The following C8orf74 variants were observed in gnomAD, a reference collection of about 807,000 sequenced individuals.
The protein encoded by C8orf74 is chromosome 8 open reading frame 74, also known as uncharacterized protein C8orf74.
C8orf74 carries 29 observed loss-of-function variants against 22.2 expected under a neutral mutation model. That is an observed-to-expected ratio of 1.31 (90% CI 0.97 to 1.78). The LOEUF is 1.78. Among genes scored for constraint, C8orf74 ranks in the 40% most tolerant of loss-of-function variants. C8orf74 has a pLI of 0.00. For synonymous variants in C8orf74, 255 were observed against 163.1 expected, an observed-to-expected ratio of 1.56 and a Z score of -4.30; for missense variants, 515 against 369.9, an observed-to-expected ratio of 1.39 and a Z score of -3.22.
At chr8:10,679,803 T>A (rs1563156070) in intron 2 of C8orf74, 1 of 152,740 alleles carries the variant, frequency 6.5e-6, no homozygotes, top group Non-Finnish European at 1.5e-5. Flanking sequence ...CCTGCAGGCG[T>A]GCCTGGCCCG....
chr8:10,693,195 G>C (rs959341175), intron 2 of C8orf74, among the ~76,000 whole-genome samples: 1 of 152,184 alleles, frequency 6.6e-6, no homozygotes, highest in Non-Finnish European at 1.5e-5. Context: ...CAGTCCCTCA[G>C]TGGGCCATGC....
intron 2 of C8orf74, among the ~76,000 whole-genome samples, chr8:10,694,102 C>T (rs1799440298): frequency 6.6e-6 from 1 of 152,150 alleles, no homozygotes; most frequent in African/African-American, 2.4e-5. Context: ...CTAAGAGGAC[C>T]CGGTCCTGAA....
chr8:10,681,174 G>A (rs908260959), intron 2 of C8orf74, among the ~76,000 whole-genome samples: 28 of 152,082 alleles, frequency 1.8e-4, no homozygotes, highest in African/African-American at 6.8e-4. Flanking sequence ...CGCAGGGAGG[G>A]AAGGTGGCCC....
chr8:10,681,680 TTCA>T (rs1799153803), intron 2 of C8orf74, among the ~76,000 whole-genome samples: 1 of 152,144 alleles, frequency 6.6e-6, no homozygotes, highest in African/African-American at 2.4e-5. Context: ...TGCTCCGCCC[TTCA>T]TCATCATCAC....
chr8:10,696,844 ACT>A (rs1312805296), intron 2 of C8orf74, among the ~76,000 whole-genome samples: 2 of 151,346 alleles, frequency 1.3e-5, no homozygotes, highest in African/African-American at 4.9e-5. Context: ...AGCGAAAGTA[ACT>A]CTTTAAAACA....
intron 1 of C8orf74, chr8:10,673,570 A>G (rs1798961549): frequency 1.3e-5 from 2 of 153,700 alleles, no homozygotes; most frequent in South Asian, 2.0e-4. Context: ...CAGGAAAGTC[A>G]AATTTTATTT....
At position 10,700,233 on chromosome 8, in the gene C8orf74, A is replaced by G. The variant is rs752775876; in HGVS notation, c.649-2A>G. The G allele has an allele frequency of 1.3e-5, 20 of 1,586,744 alleles. No individual in the cohort carries two copies. The African/African-American group carries it at 1.5e-4, about 12-fold the overall frequency. On this transcript the variant is annotated splice_acceptor_variant, in intron 3 of 3. Transcript: ENST00000304519. LOFTEE classifies it high-confidence loss of function. Reference sequence around the variant, plus strand: ...CTCATCGGCCTTCCCCTTTCCTTCCAGGAGTTGGAGAGCCTCATCTGCCAG... The same window carrying G: ...CTCATCGGCCTTCCCCTTTCCTTCCGGGAGTTGGAGAGCCTCATCTGCCAG...
At chr8:10,674,611 A>G (rs1268241440) in intron 1 of C8orf74, 35 bp from the exon 2 acceptor site, 1 of 1,494,988 alleles carries the variant, frequency 6.7e-7, no homozygotes, top group African/African-American at 1.5e-5. Flanking sequence ...CAACCCCCAC[A>G]TCATACCCTG....
At chr8:10,683,402 T>C (rs1261309753) in intron 2 of C8orf74, among the ~76,000 whole-genome samples, 1 of 152,208 alleles carries the variant, frequency 6.6e-6, no homozygotes, top group Non-Finnish European at 1.5e-5. Context: ...TCTCAGGTTC[T>C]TCCTCCATCA....
chr8:10,681,154 C>A (rs1034884806), intron 2 of C8orf74, among the ~76,000 whole-genome samples: 4 of 152,054 alleles, frequency 2.6e-5, no homozygotes, highest in Non-Finnish European at 4.4e-5. Flanking sequence ...CCAGTCCGAT[C>A]AGGCCTTGGC....
intron 1 of C8orf74, among the ~76,000 whole-genome samples, chr8:10,673,954 C>G (rs548123522): frequency 1.8e-4 from 25 of 138,426 alleles, no homozygotes; most frequent in Non-Finnish European, 3.3e-4. Flanking sequence ...TACCCTCCGA[C>G]CCCCATATCA....
intron 2 of C8orf74, chr8:10,688,982 C>T (rs1799318750): frequency 6.6e-6 from 1 of 152,350 alleles, no homozygotes; most frequent in East Asian, 1.9e-4. Context: ...GCAGGTCAGC[C>T]ACAAAGCTAA....
In C8orf74 at chr8:10,674,699, C is replaced by T. The variant is rs753430473; in HGVS notation, c.102C>T (p.Asp34=). 6 of 1,609,742 alleles carry T rather than the reference C, an allele frequency of 3.7e-6. No individual in the cohort carries two copies. Among genetic ancestry groups the T allele is most frequent in the East Asian group, 2.2e-5 (1 of 44,750 alleles). Reference sequence around the variant, plus strand: ...GGCTTCTGAACTGGGAGGAGTTTGACGAACAGAGAGACTCCCGGAGGAGCA... The same window carrying T: ...GGCTTCTGAACTGGGAGGAGTTTGATGAACAGAGAGACTCCCGGAGGAGCA... The part of the protein sequence containing the change: ...LRRLLNWEEF[D]EQRDSRRSIL... The change falls in exon 2 of 4, where the codon GAC becomes GAT. Residue 34 remains aspartate (D), a synonymous_variant. Coordinates refer to ENST00000304519, the MANE Select transcript of C8orf74 (RefSeq NM_001040032.2).
chr8:10,690,462 C>T (rs1236756479), intron 2 of C8orf74, among the ~76,000 whole-genome samples: 1 of 152,132 alleles, frequency 6.6e-6, no homozygotes, highest in African/African-American at 2.4e-5. Context: ...GATGCTGGGC[C>T]CTTGCTTTCG....
Position 10,697,618 on chromosome 8 carries a change from T to C in C8orf74, c.261T>C (p.Ala87=), listed in dbSNP as rs1170216466. The C allele has an allele frequency of 1.2e-6, 2 of 1,613,906 alleles. No homozygotes were observed. Among genetic ancestry groups the C allele is most frequent in the Non-Finnish European group, 1.7e-6 (2 of 1,179,838 alleles). The change falls in exon 3 of 4, where the codon GCT becomes GCC. Residue 87 remains alanine, a synonymous_variant. Coordinates refer to ENST00000304519, the MANE Select transcript of C8orf74 (RefSeq NM_001040032.2). ...RETKGCSITE[A]VTILGNKLRD... is the part of the protein sequence containing the mutation. Reference sequence around the variant, plus strand: ...CTACAGGCTGCTCCATTACTGAGGCTGTGACGATCCTGGGGAACAAGCTTA... The same window carrying C: ...CTACAGGCTGCTCCATTACTGAGGCCGTGACGATCCTGGGGAACAAGCTTA...
rs774789263 is a variant in C8orf74, at chr8:10,698,012, C to G, written c.648+7C>G. ...CCAGGTCCTGGAGAGACAGGTGAGG[C>G]TCTGCCCCCCTGCCGTGGGTGGGCA... On this transcript the variant is annotated splice_region_variant and intron_variant, in intron 3 of 3. Transcript: ENST00000304519. 1.4e-6 allele frequency: 2 copies of G among 1,459,622 alleles called. No individual in the cohort carries two copies. Among genetic ancestry groups the G allele is most frequent in the East Asian group, 4.9e-5 (2 of 40,646 alleles). The allele number at this position is 1,459,622 out of a possible 1,614,324, so 90.4% of individuals were successfully genotyped here.
chr8:10,694,339 C>T (rs1005688611), intron 2 of C8orf74, among the ~76,000 whole-genome samples: 1 of 152,044 alleles, frequency 6.6e-6, no homozygotes, highest in African/African-American at 2.4e-5. Context: ...AATATGTAAA[C>T]TGAAAAGTAT....
intron 1 of C8orf74, 113 bp downstream of exon 1, chr8:10,672,826 C>T: frequency 2.3e-6 from 2 of 855,936 alleles, no homozygotes; most frequent in Non-Finnish European, 3.8e-6. Flanking sequence ...CACCCCGGCT[C>T]AGCACAGCAC....
Position 10,697,697 on chromosome 8 carries a change from T to TGGCCC in C8orf74, c.340_341insGGCCC (p.Phe114TrpfsTer26). On this transcript the variant is annotated frameshift_variant, in exon 3 of 4. Coordinates refer to ENST00000304519, the MANE Select transcript of C8orf74 (RefSeq NM_001040032.2). LOFTEE classifies it high-confidence loss of function. ...CCACCTGCTGGCCCTCTGTGACTAC[T>TGGCCC]TCCACCACACCTTCATCCGCCACTA... 1 of 1,614,004 alleles carries TGGCCC rather than the reference T, an allele frequency of 6.2e-7. No homozygotes were observed. Among genetic ancestry groups the TGGCCC allele is most frequent in the South Asian group, 1.1e-5 (1 of 91,086 alleles).
Sources: allele counts gnomAD v4.1 joint callset (sites outside exome capture counted in the v4.1 genomes callset), GRCh38; gene constraint gnomAD v4.1.1; transcripts MANE v1.5; gene names NCBI Gene and HGNC (gene_info 2026-07-23, HGNC 2026-07-21).